L3MBTL4: variants seen among roughly 807,000 people sequenced by gnomAD.
L3MBTL4 encodes lethal(3)malignant brain tumor-like protein 4.
In L3MBTL4, 70 loss-of-function variants were observed where a neutral mutation model predicts 84.5. The ratio of observed to expected loss-of-function variants is 0.83; its 90% confidence interval spans 0.68 to 1.01. L3MBTL4 has a LOEUF of 1.01. L3MBTL4 is among the 50% of genes least tolerant of loss of function. The pLI, the probability that L3MBTL4 is intolerant of heterozygous loss-of-function variation, is 0.00. For synonymous variants in L3MBTL4, 274 were observed against 259.8 expected (o/e 1.05, Z -0.52); for missense variants, 715 against 754.8 (o/e 0.95, Z 0.62).
intron 1 of L3MBTL4, among the ~76,000 whole-genome samples, chr18:6,332,984 A>G (rs2052119928): frequency 6.6e-6 from 1 of 152,216 alleles, no homozygotes; most frequent in South Asian, 2.1e-4. Flanking sequence ...ACTCTAACTC[A>G]TTAACTATAC....
chr18:6,193,643 C>G (rs757923983), intron 12 of L3MBTL4, among the ~76,000 whole-genome samples: 1 of 152,114 alleles, frequency 6.6e-6, no homozygotes, highest in South Asian at 2.1e-4. Flanking sequence ...GACATCACTG[C>G]GGATAAAGGG....
intron 4 of L3MBTL4, among the ~76,000 whole-genome samples, chr18:6,300,187 G>C (rs1184793055): frequency 6.6e-6 from 1 of 152,024 alleles, no homozygotes; most frequent in Non-Finnish European, 1.5e-5. Context: ...TAAGCAATTT[G>C]GAAATTAGTT....
intron 1 of L3MBTL4, among the ~76,000 whole-genome samples, chr18:6,352,422 G>C (rs1437704253): frequency 1.3e-5 from 2 of 152,174 alleles, no homozygotes; most frequent in Admixed American, 6.5e-5. Context: ...AATTTATTGA[G>C]AGCCTATTAT....
At chr18:6,282,103 G>A (rs1186002348) in intron 4 of L3MBTL4, among the ~76,000 whole-genome samples, 1 of 152,134 alleles carries the variant, frequency 6.6e-6, no homozygotes, top group Non-Finnish European at 1.5e-5. Flanking sequence ...TTCTCCATGA[G>A]TCTAAACCAA....
intron 14 of L3MBTL4, among the ~76,000 whole-genome samples, chr18:6,118,162 T>C (rs1031959465): frequency 7.7e-5 from 10 of 130,276 alleles, no homozygotes; most frequent in Admixed American, 4.7e-4. Context: ...TGAAACTGCA[T>C]GCAAACTCAC....
intron 10 of L3MBTL4, among the ~76,000 whole-genome samples, chr18:6,216,467 A>C (rs2046331831): frequency 6.6e-6 from 1 of 152,072 alleles, no homozygotes; most frequent in Non-Finnish European, 1.5e-5. Context: ...CCACGCAATA[A>C]GTATTTAGAT....
intron 13 of L3MBTL4, among the ~76,000 whole-genome samples, chr18:6,159,534 T>C (rs1399698424): frequency 6.6e-6 from 1 of 152,204 alleles, no homozygotes; most frequent in African/African-American, 2.4e-5. Flanking sequence ...TATTTATATC[T>C]ATACCCAAGC....
At position 5,975,125 on chromosome 18, in the gene L3MBTL4, C is replaced by A. The variant is rs543113615; in HGVS notation, c.1445-5563G>T. Among the ~76,000 whole-genome samples the A allele has an allele frequency of 3.3e-5, 5 of 152,254 alleles. No homozygotes were observed. In the South Asian group the frequency reaches 1.0e-3, roughly 32 times the overall value. On this transcript the variant is annotated intron_variant, in intron 16 of 18. Coordinates refer to ENST00000317931, the MANE Select transcript of L3MBTL4 (RefSeq NM_001330559.2). Reference sequence around the variant, plus strand: ...TACCCTGACAAATGAGAAGGAAAATCCTTTATGGAAATGTTCTTTAAAAAT... The same window carrying A: ...TACCCTGACAAATGAGAAGGAAAATACTTTATGGAAATGTTCTTTAAAAAT...
chr18:6,028,798 G>T (rs1012590114), intron 16 of L3MBTL4, among the ~76,000 whole-genome samples: 2 of 152,138 alleles, frequency 1.3e-5, no homozygotes, highest in East Asian at 3.9e-4. Flanking sequence ...AATTGTGAAT[G>T]GGAGTTCACA....
intron 16 of L3MBTL4, among the ~76,000 whole-genome samples, chr18:6,002,769 G>GA (rs999700488): frequency 1.3e-5 from 2 of 151,768 alleles, no homozygotes; most frequent in Admixed American, 6.6e-5. Context: ...CAATAATGTA[G>GA]AAAATGAAGG....
intron 4 of L3MBTL4, among the ~76,000 whole-genome samples, chr18:6,287,097 T>G (rs969958416): frequency 1.3e-5 from 2 of 152,214 alleles, no homozygotes; most frequent in African/African-American, 4.8e-5. Flanking sequence ...TGCTTGCATT[T>G]TAATTGGCTT....
At chr18:6,122,399 G>A (rs932641280) in intron 14 of L3MBTL4, among the ~76,000 whole-genome samples, 10 of 152,182 alleles carry the variant, frequency 6.6e-5, no homozygotes, top group Non-Finnish European at 1.5e-4. Flanking sequence ...ACATGTTGTG[G>A]GAGGGACCCA....
intron 1 of L3MBTL4, among the ~76,000 whole-genome samples, chr18:6,317,649 A>C (rs2051177627): frequency 6.6e-6 from 1 of 152,166 alleles, no homozygotes; most frequent in Admixed American, 6.5e-5. Flanking sequence ...CCTGAGGGAG[A>C]AGAGAAAACA....
intron 12 of L3MBTL4, among the ~76,000 whole-genome samples, chr18:6,189,731 A>C (rs2044974513): frequency 6.6e-6 from 1 of 152,242 alleles, no homozygotes; most frequent in African/African-American, 2.4e-5. Context: ...AAAATTCCAT[A>C]TCTGAAATTA....
At chr18:6,276,522 G>A (rs1346329551) in intron 4 of L3MBTL4, among the ~76,000 whole-genome samples, 6 of 152,094 alleles carry the variant, frequency 3.9e-5, no homozygotes, top group Admixed American at 2.6e-4. Context: ...TAAGGGCTAA[G>A]AATACAGTGG....
chr18:5,981,875 AT>A lies in L3MBTL4; in HGVS notation c.1445-12314del, dbSNP rs780367858. 2.0e-3 allele frequency among the ~76,000 whole-genome samples: 309 copies of A among 152,092 alleles called. 1 individual carries two copies. The highest frequency in any genetic ancestry group is 5.1e-4 in the Non-Finnish European group (35 of 68,008). ...AAGCTATTCTGTTCTGTCATCTATT[AT>A]TCTCTTCTAGAATAAATATCTCCCG... On this transcript the variant is annotated intron_variant, in intron 16 of 18. Transcript: ENST00000317931.
At chr18:6,374,941 TC>T (rs1204998761) in intron 1 of L3MBTL4, among the ~76,000 whole-genome samples, 1 of 152,224 alleles carries the variant, frequency 6.6e-6, no homozygotes, top group East Asian at 1.9e-4. Context: ...GAAATTCATT[TC>T]AGACACAATT....
At chr18:6,133,052 G>A (rs1375403040) in intron 14 of L3MBTL4, among the ~76,000 whole-genome samples, 4 of 152,150 alleles carry the variant, frequency 2.6e-5, no homozygotes, top group African/African-American at 7.2e-5. Flanking sequence ...GAACTTTGAC[G>A]ATAATGATTC....
chr18:6,227,050 A>T (rs1052351880), intron 10 of L3MBTL4, among the ~76,000 whole-genome samples: 3 of 152,180 alleles, frequency 2.0e-5, no homozygotes, highest in Non-Finnish European at 4.4e-5. Flanking sequence ...GGGATGAAAA[A>T]GAAAAATACA....
Sources: gnomAD v4.1 joint callset for allele counts (sites outside exome capture counted in the v4.1 genomes callset) on GRCh38, gnomAD v4.1.1 for gene constraint, MANE v1.5 for transcripts, NCBI Gene and HGNC (gene_info 2026-07-23, HGNC 2026-07-21) for gene names.